Variants in CST3 observed in about 807,000 individuals in gnomAD.
The protein encoded by CST3 is cystatin C, also known as cystatin-C.
In CST3, 14 loss-of-function variants were observed where a neutral mutation model predicts 9.0. The ratio of observed to expected loss-of-function variants is 1.56; its 90% CI spans 1.03 to 2.44. CST3 has a LOEUF of 2.44. Among genes scored for constraint, CST3 ranks in the 30% most tolerant of loss-of-function variants. The probability of loss-of-function intolerance (pLI) is 0.00; values close to 1 mark genes in which losing one functional copy is unlikely to be tolerated. For missense variants in CST3, 237 were observed against 204.3 expected (o/e 1.16, Z -0.98); for synonymous variants, 96 against 90.2 (o/e 1.06, Z -0.37).
At position 23,637,928 on chromosome 20, in the gene CST3, A is replaced by G; in HGVS notation, c.-66T>C. The stretch of plus-strand genomic sequence containing the variant: ...GAGAGGCTGGAGCTAGATAGAGAGG[A>G]CCCGCTGCGATACCGAGGCGAGGCC... On this transcript the variant is annotated 5_prime_UTR_variant, in exon 1 of 3. Transcript: ENST00000376925. 1 of 1,169,000 alleles carries G rather than the reference A, an allele frequency of 8.6e-7. No individual in the cohort carries two copies. The highest frequency in any genetic ancestry group is 1.1e-6 in the Non-Finnish European group (1 of 942,184). 72.4% of individuals were successfully genotyped at this position (1,169,000 alleles called of 1,614,324 possible). A position where few individuals can be genotyped will look rare whatever the true frequency, so the allele number is the denominator to read the frequency against.
chr20:23,631,733 CA>C (rs1774765878), downstream of CST3: 1 of 152,200 alleles, frequency 6.6e-6, no homozygotes, highest in South Asian at 2.1e-4. Flanking sequence ...TTCCTGATCC[CA>C]CCCCAATGGT....
downstream of CST3, among the ~76,000 whole-genome samples, chr20:23,632,688 G>A (rs1276086976): frequency 6.6e-6 from 1 of 152,152 alleles, no homozygotes; most frequent in Non-Finnish European, 1.5e-5. Context: ...AAAAGAGGGG[G>A]TCAGTGCAGC....
chr20:23,631,034 A>T (rs1295037768), downstream of CST3, among the ~76,000 whole-genome samples: 1 of 152,214 alleles, frequency 6.6e-6, no homozygotes, highest in Non-Finnish European at 1.5e-5. Flanking sequence ...TTTCCTAAAA[A>T]AACATAATAT....
chr20:23,634,118 T>A (rs1036526236), intron 2 of CST3, 119 bp from the exon 3 acceptor site: 3 of 812,434 alleles, frequency 3.7e-6, no homozygotes, highest in Admixed American at 1.9e-5. Flanking sequence ...TGGGCCCTTA[T>A]CTACCCCTCC....
chr20:23,634,792 C>T (rs1979594713), intron 2 of CST3, among the ~76,000 whole-genome samples: 2 of 152,124 alleles, frequency 1.3e-5, no homozygotes, highest in Non-Finnish European at 2.9e-5. Context: ...TCTACATGCA[C>T]ACACATAGGC....
downstream of CST3, among the ~76,000 whole-genome samples, chr20:23,630,727 TCCCAA>T (rs1979420652): frequency 7.0e-6 from 1 of 142,636 alleles, no homozygotes; most frequent in Admixed American, 7.2e-5. Context: ...GGTGGCAACA[TCCCAA>T]GCCTCTAAGT....
chr20:23,635,344 G>C lies in CST3; in HGVS notation c.267C>G (p.Phe89Leu), dbSNP rs1165519887. ...RKQIVAGVNYFLDVELGRTTC... is the reference protein window; with the variant it reads ...RKQIVAGVNYLLDVELGRTTC... The stretch of plus-strand genomic sequence containing the variant: ...TGGTTCGGCCCAGCTCCACGTCCAA[G>C]AAGTAGTTCACCCCAGCTACGATCT... Residue 89 changes from phenylalanine (F) to leucine (L), a missense_variant, in exon 2 of 3, where the codon TTC (phenylalanine) becomes TTG (leucine). Physicochemically the swap from Phe to Leu is conservative, Grantham distance 22. Coordinates refer to ENST00000376925, the MANE Select transcript of CST3 (RefSeq NM_000099.4). 9.5e-6 allele frequency: 15 copies of C among 1,584,470 alleles called. No individual in the cohort carries two copies. The highest frequency in any genetic ancestry group is 4.5e-5 in the African/African-American group (3 of 66,868).
At chr20:23,631,944 A>T (rs1275115306), downstream of CST3, 2 of 152,244 alleles carry the variant, frequency 1.3e-5, no homozygotes, top group Non-Finnish European at 1.5e-5. Context: ...TAACTCTTGC[A>T]GATGAAAGGT....
chr20:23,633,611 A>T, downstream of CST3: 1 of 548,190 alleles, frequency 1.8e-6, no homozygotes, highest in Non-Finnish European at 3.3e-6. Context: ...AACTGCGGAA[A>T]CCCTGCCTGT....
At chr20:23,634,949 C>T (rs1369510395) in intron 2 of CST3, among the ~76,000 whole-genome samples, 1 of 151,778 alleles carries the variant, frequency 6.6e-6, no homozygotes, top group Non-Finnish European at 1.5e-5. Context: ...CAGAAACCCC[C>T]ATGTATGTGA....
intron 2 of CST3, 57 bp from the exon 3 acceptor site, chr20:23,634,056 G>A (rs1979560344): frequency 1.4e-6 from 2 of 1,407,506 alleles, no homozygotes. Context: ...AGCAGAAGAT[G>A]CCCAGGCACG....
chr20:23,635,664 C>G (rs893832624), intron 1 of CST3, among the ~76,000 whole-genome samples: 1 of 152,224 alleles, frequency 6.6e-6, no homozygotes, highest in Non-Finnish European at 1.5e-5. Context: ...TAGGAAGGTT[C>G]TCATGTGATG....
chr20:23,636,514 G>A (rs1979681526), intron 1 of CST3, among the ~76,000 whole-genome samples: 1 of 152,192 alleles, frequency 6.6e-6, no homozygotes, highest in Non-Finnish European at 1.5e-5. Flanking sequence ...CAGCCGGCCT[G>A]AGGGTGAAGG....
chr20:23,636,369 C>T (rs985828156), intron 1 of CST3, among the ~76,000 whole-genome samples: 2 of 152,196 alleles, frequency 1.3e-5, no homozygotes, highest in Non-Finnish European at 2.9e-5. Flanking sequence ...AGCTCCCTCC[C>T]GATCCGACCC....
At chr20:23,637,388 C>T (rs1052264986) in intron 1 of CST3, among the ~76,000 whole-genome samples, 7 of 152,230 alleles carry the variant, frequency 4.6e-5, no homozygotes, top group Non-Finnish European at 1.0e-4. Context: ...GGAAGCTGAT[C>T]TTAGGCGCCG....
chr20:23,634,764 C>G (rs950614226), intron 2 of CST3, among the ~76,000 whole-genome samples: 1 of 152,080 alleles, frequency 6.6e-6, no homozygotes, highest in African/African-American at 2.4e-5. Flanking sequence ...ATTCATCACT[C>G]CTCTCCACAC....
exon 4 of CST3, chr20:23,626,773 A>G (rs1471549212): frequency 6.6e-6 from 1 of 152,186 alleles, no homozygotes; most frequent in Admixed American, 6.5e-5. Context: ...CAGGACTTCA[A>G]CTTGCAAGGG....
At chr20:23,631,515 G>A (rs1441288478), downstream of CST3, among the ~76,000 whole-genome samples, 1 of 152,186 alleles carries the variant, frequency 6.6e-6, no homozygotes, top group Non-Finnish European at 1.5e-5. Flanking sequence ...CTGTTCCCAG[G>A]TCCCTATTAC....
At chr20:23,627,251 G>A (rs190504004) in exon 4 of CST3, 2 of 152,242 alleles carry the variant, frequency 1.3e-5, no homozygotes, top group South Asian at 2.1e-4. Context: ...TCTGTTCTGG[G>A]TATTTCATAT....
Sources: allele counts gnomAD v4.1 joint callset (sites outside exome capture counted in the v4.1 genomes callset), GRCh38; gene constraint gnomAD v4.1.1; transcripts MANE v1.5; gene names NCBI Gene and HGNC (gene_info 2026-07-23, HGNC 2026-07-21).